Variants in TRIM54 observed in about 807,000 individuals in gnomAD.
TRIM54 encodes tripartite motif containing 54, also known as tripartite motif-containing protein 54.
TRIM54 carries 40 observed loss-of-function variants against 42.0 expected under a neutral mutation model. The observed-to-expected ratio is 0.95, with a 90% CI of 0.74 to 1.24. TRIM54 has a LOEUF of 1.24. TRIM54 is among the 50% of genes most tolerant of loss of function. The pLI, the probability that TRIM54 is intolerant of heterozygous loss-of-function variation, is 0.00. For missense variants in TRIM54, 485 were observed against 480.3 expected, an observed-to-expected ratio of 1.01 and a Z score of -0.09; for synonymous variants, 199 against 194.9, an observed-to-expected ratio of 1.02 and a Z score of -0.17.
chr2:27,296,175 C>G (rs1678861378), intron 1 of TRIM54, among the ~76,000 whole-genome samples: 1 of 152,222 alleles, frequency 6.6e-6, no homozygotes, highest in South Asian at 2.1e-4. Flanking sequence ...AAGGATCAAA[C>G]AAGACCCTTG....
chr2:27,304,440 CA>C (rs1183170053), intron 3 of TRIM54, among the ~76,000 whole-genome samples: 1 of 4,636 alleles, frequency 2.2e-4, no homozygotes, highest in Non-Finnish European at 5.6e-4. Context: ...AAAAAAAAAT[CA>C]ACGAATGAAT....
chr2:27,306,367 C>G lies in TRIM54; in HGVS notation c.991+30C>G, dbSNP rs1015896551. On this transcript the variant is annotated intron_variant, in intron 7 of 8. Transcript: ENST00000380075. This position sits in a 1 kb window ranked among gnomAD's most constrained non-coding sequence, Gnocchi z 6.1. ...AGGAGGTGGCCGAGGGCCGCTGAGA[C>G]GGGTTCGGACCCTCTGTGTGGGGGG... 1.2e-6 allele frequency: 2 copies of G among 1,613,778 alleles called. No homozygotes were observed. Among genetic ancestry groups the G allele is most frequent in the Non-Finnish European group, 1.7e-6 (2 of 1,179,906 alleles).
chr2:27,306,667 C>T lies in TRIM54; in HGVS notation c.*1+125C>T, dbSNP rs1679225947. 1 of 1,040,228 alleles carries T rather than the reference C, an allele frequency of 9.6e-7. No individual in the cohort carries two copies. The highest frequency in any genetic ancestry group is 1.6e-5 in the African/African-American group (1 of 61,876). The allele number at this position is 1,040,228 out of a possible 1,614,324, so 64.4% of individuals were successfully genotyped here. ...CCCTGCGGGTAGCGTGGAGCCCCCACTCCTCGGTGCAACCCAACCCCGGAG... is the reference window on the plus strand; with the variant it reads ...CCCTGCGGGTAGCGTGGAGCCCCCATTCCTCGGTGCAACCCAACCCCGGAG... On this transcript the variant is annotated intron_variant, in intron 8 of 8. Transcript: ENST00000380075. The surrounding 1 kb of genome is among the most constrained non-coding windows in gnomAD (Gnocchi z 6.1).
At chr2:27,301,013 C>T (rs958334969) in intron 3 of TRIM54, among the ~76,000 whole-genome samples, 10 of 152,000 alleles carry the variant, frequency 6.6e-5, no homozygotes, top group African/African-American at 2.2e-4. Context: ...TTGGATCTCG[C>T]GCAAGAAAGA....
intron 1 of TRIM54, among the ~76,000 whole-genome samples, chr2:27,289,763 T>C (rs1678668780): frequency 6.6e-6 from 1 of 151,842 alleles, no homozygotes; most frequent in South Asian, 2.1e-4. Flanking sequence ...ACACCTGCAG[T>C]CTCAGGTACT....
chr2:27,299,636 A>G (rs1232951088), intron 3 of TRIM54: 2 of 885,000 alleles, frequency 2.3e-6, no homozygotes, highest in Non-Finnish European at 3.5e-6. Context: ...TTAGCCTCGC[A>G]GAACACTAAG....
At chr2:27,299,515 T>A (rs189821555) in intron 3 of TRIM54, 99 bp downstream of exon 3, 1 of 1,540,246 alleles carries the variant, frequency 6.5e-7, no homozygotes, top group East Asian at 2.4e-5. Context: ...TTTACTTATT[T>A]CTTTATTTAT....
intron 1 of TRIM54, among the ~76,000 whole-genome samples, chr2:27,294,339 T>A (rs1558585447): frequency 6.6e-6 from 1 of 152,018 alleles, no homozygotes; most frequent in Non-Finnish European, 1.5e-5. Context: ...CAGGCTGGTC[T>A]TGAACTCCTG....
intron 1 of TRIM54, among the ~76,000 whole-genome samples, chr2:27,285,613 G>A (rs753356140): frequency 3.3e-5 from 5 of 152,050 alleles, no homozygotes; most frequent in Non-Finnish European, 5.9e-5. Context: ...TCCACAAATC[G>A]GCACATTTGC....
chr2:27,295,315 A>AT (rs1283406134), intron 1 of TRIM54, among the ~76,000 whole-genome samples: 2 of 151,308 alleles, frequency 1.3e-5, no homozygotes, highest in African/African-American at 4.9e-5. Flanking sequence ...CTCAAAACAT[A>AT]TTTTTTTTGA....
rs564152997 is a variant in TRIM54, at chr2:27,298,062, G to A, written c.169-505G>A. 4.6e-5 allele frequency among the ~76,000 whole-genome samples: 7 copies of A among 151,294 alleles called. No homozygotes were observed. In the East Asian group the frequency reaches 1.2e-3, roughly 25 times the overall value. Reference sequence around the variant, plus strand: ...CCAGGACTCCTGACTTCCAGTTCCTGGAGCAATTTTCTAGAATTACCTGGC... The same window carrying A: ...CCAGGACTCCTGACTTCCAGTTCCTAGAGCAATTTTCTAGAATTACCTGGC... On this transcript the variant is annotated intron_variant, in intron 1 of 8. Coordinates refer to ENST00000380075, the MANE Select transcript of TRIM54 (RefSeq NM_187841.3).
intron 1 of TRIM54, among the ~76,000 whole-genome samples, chr2:27,291,732 T>G (rs1271457181): frequency 6.6e-6 from 1 of 152,176 alleles, no homozygotes; most frequent in Non-Finnish European, 1.5e-5. Context: ...GGGTTAGGAT[T>G]TGGCTGGGGG....
chr2:27,305,067 T>TGGAG lies in TRIM54; in HGVS notation c.609+23_609+26dup, dbSNP rs759727349. ...CCAGACTATCGAGGTGAGCCTGGGC[T>TGGAG]GGAGGGAGGGAGGAACAGCAACTGG... On this transcript the variant is annotated intron_variant, in intron 4 of 8. Coordinates refer to ENST00000380075, the MANE Select transcript of TRIM54 (RefSeq NM_187841.3). 6.2e-7 allele frequency: 1 copy of TGGAG among 1,611,146 alleles called. No homozygotes were observed. The highest frequency in any genetic ancestry group is 8.5e-7 in the Non-Finnish European group (1 of 1,178,034).
Position 27,306,939 on chromosome 2 carries a change from C to T in TRIM54, c.*54C>T, listed in dbSNP as rs1014602708. 1.7e-5 allele frequency: 5 copies of T among 288,762 alleles called. No individual in the cohort carries two copies. Among genetic ancestry groups the T allele is most frequent in the Non-Finnish European group, 2.6e-5 (4 of 153,082 alleles). 17.9% of individuals were successfully genotyped at this position (288,762 alleles called of 1,614,324 possible). A position where few individuals can be genotyped will look rare whatever the true frequency, so the allele number is the denominator to read the frequency against. On this transcript the variant is annotated 3_prime_UTR_variant, in exon 9 of 9. Coordinates refer to ENST00000380075, the MANE Select transcript of TRIM54 (RefSeq NM_187841.3). The surrounding 1 kb of genome is among the most constrained non-coding windows in gnomAD (Gnocchi z 6.1). ...AGCCCGCGCTAGAGTCGGGGAGGATCTGCGCAGAGACCGCAGCATCACCCA... is the reference window on the plus strand; with the variant it reads ...AGCCCGCGCTAGAGTCGGGGAGGATTTGCGCAGAGACCGCAGCATCACCCA...
At chr2:27,295,414 C>A (rs1678838288) in intron 1 of TRIM54, among the ~76,000 whole-genome samples, 1 of 152,148 alleles carries the variant, frequency 6.6e-6, no homozygotes, top group Admixed American at 6.6e-5. Flanking sequence ...TCAAGCAATT[C>A]TCTTGCCTCA....
intron 1 of TRIM54, among the ~76,000 whole-genome samples, chr2:27,283,768 A>ACACGCACGCGCGCGCGCG (rs1330074571): frequency 0.013 from 1,174 of 93,826 alleles, 31 homozygotes; most frequent in South Asian, 0.045. Context: ...GCAAAGGCAC[A>ACACGCACGCGCGCGCGCG]CACACACACA....
At chr2:27,300,790 C>A (rs1253797625) in intron 3 of TRIM54, among the ~76,000 whole-genome samples, 9 of 152,038 alleles carry the variant, frequency 5.9e-5, no homozygotes, top group African/African-American at 2.2e-4. Flanking sequence ...CACTTGAGCC[C>A]GGGAGGTTGA....
Position 27,306,317 on chromosome 2 carries a change from G to C in TRIM54, c.971G>C (p.Arg324Pro), listed in dbSNP as rs767877263. 4 of 1,613,998 alleles carry C rather than the reference G, an allele frequency of 2.5e-6. No individual in the cohort carries two copies. The highest frequency in any genetic ancestry group is 1.1e-5 in the South Asian group (1 of 91,088). ...VRVEHVAEMLRTIDFQPGASG... is the reference protein window; with the variant it reads ...VRVEHVAEMLPTIDFQPGASG... ...GTGGAGCACGTGGCCGAAATGCTGC[G>C]GACCATCGACTTCCAGCCAGGTGAA... is the stretch of plus-strand genomic sequence containing the variant. The change falls in exon 7 of 9, where the codon CGG (arginine) becomes CCG (proline). Residue 324 changes from arginine (R) to proline (P), a missense_variant. Arg to Pro is a moderately radical substitution (Grantham distance 103). Coordinates refer to ENST00000380075, the MANE Select transcript of TRIM54 (RefSeq NM_187841.3). The surrounding 1 kb of genome is among the most constrained non-coding windows in gnomAD (Gnocchi z 6.1).
intron 1 of TRIM54, among the ~76,000 whole-genome samples, chr2:27,291,371 A>C (rs111640848): frequency 2.6e-5 from 4 of 152,196 alleles, no homozygotes; most frequent in African/African-American, 9.6e-5. Context: ...AAAAACAAAC[A>C]AACAAAAAAT....
Sources: allele counts gnomAD v4.1 joint callset (sites outside exome capture counted in the v4.1 genomes callset), GRCh38; gene constraint gnomAD v4.1.1; non-coding constraint Gnocchi (gnomAD v3.1); transcripts MANE v1.5; gene names NCBI Gene and HGNC (gene_info 2026-07-23, HGNC 2026-07-21).